The following TNFAIP8 variants were observed in gnomAD, a reference collection of about 807,000 sequenced individuals.
TNFAIP8 encodes TNF alpha induced protein 8, also known as tumor necrosis factor alpha-induced protein 8.
In TNFAIP8, 7 loss-of-function variants were observed where a neutral mutation model predicts 13.3. The observed-to-expected ratio is 0.52, with a 90% CI of 0.30 to 0.99. The LOEUF is 0.99. Ranked by LOEUF, TNFAIP8 falls within the 50% of genes least tolerant of loss-of-function variation. The pLI, the probability that TNFAIP8 is intolerant of heterozygous loss-of-function variation, is 0.07. For missense variants in TNFAIP8, 258 were observed against 236.9 expected (o/e 1.09, Z -0.58); for synonymous variants, 94 against 87.6 (o/e 1.07, Z -0.41).
At position 119,279,132 on chromosome 5, in the gene TNFAIP8, A is replaced by G. The variant is rs78183104; in HGVS notation, c.1+10225A>G. On this transcript the variant is annotated intron_variant, in intron 1 of 1. Coordinates refer to the TNFAIP8 transcript ENST00000274456. Reference sequence around the variant, plus strand: ...TTAATTTCATCTTCAGGAGGAATCTATGAGAAAGATACTATTGTTAAGCCT... The same window carrying G: ...TTAATTTCATCTTCAGGAGGAATCTGTGAGAAAGATACTATTGTTAAGCCT... Among the ~76,000 whole-genome samples the G allele has an allele frequency of 9.5e-3, 1,445 of 152,308 alleles. 18 individuals carry two copies. The highest frequency in any genetic ancestry group is 0.033 in the African/African-American group (1,377 of 41,552).
At chr5:119,388,096 G>A (rs1398424706) in intron 1 of TNFAIP8, among the ~76,000 whole-genome samples, 1 of 152,208 alleles carries the variant, frequency 6.6e-6, no homozygotes, top group Admixed American at 6.5e-5. Context: ...CAGAAGTAGA[G>A]GTGGGCCTGT....
At chr5:119,387,102 C>T (rs1036529137) in intron 1 of TNFAIP8, among the ~76,000 whole-genome samples, 5 of 152,084 alleles carry the variant, frequency 3.3e-5, no homozygotes, top group Non-Finnish European at 7.4e-5. Flanking sequence ...ACATCACTAG[C>T]TACTCCGAGC....
intron 1 of TNFAIP8, among the ~76,000 whole-genome samples, chr5:119,313,595 A>G (rs997221346): frequency 1.3e-5 from 2 of 152,242 alleles, no homozygotes; most frequent in African/African-American, 4.8e-5. Context: ...TTGCCAAAAT[A>G]TGATAGCCTC....
chr5:119,287,994 CT>C (rs1426621649), intron 1 of TNFAIP8, among the ~76,000 whole-genome samples: 2 of 152,142 alleles, frequency 1.3e-5, no homozygotes, highest in Non-Finnish European at 2.9e-5. Context: ...AAGCTCTTGT[CT>C]GATGAGGTGA....
rs1753081252 is a variant in TNFAIP8, at chr5:119,396,729, A to C, written c.*3348A>C. The C allele has an allele frequency of 6.6e-6, 1 of 152,180 alleles. No homozygotes were observed. The highest frequency in any genetic ancestry group is 2.4e-5 in the African/African-American group (1 of 41,452). The allele number at this position is 152,180 out of a possible 1,614,324, so 9.4% of individuals were successfully genotyped here. ...AAGCATGGGGTGGGTGCGGTGGCTT[A>C]TGCTTGTAAGCCCAGAACTTTGGGA... On this transcript the variant is annotated 3_prime_UTR_variant, in exon 2 of 2. Coordinates refer to ENST00000504771, the MANE Select transcript of TNFAIP8 (RefSeq NM_014350.4).
chr5:119,328,321 T>C (rs1350824339), intron 1 of TNFAIP8, among the ~76,000 whole-genome samples: 1 of 151,468 alleles, frequency 6.6e-6, no homozygotes, highest in South Asian at 2.1e-4. Context: ...CCTGGAAAAG[T>C]TTTTGAAACT....
chr5:119,319,687 T>G (rs2112686107), intron 1 of TNFAIP8, among the ~76,000 whole-genome samples: 1 of 152,318 alleles, frequency 6.6e-6, no homozygotes, highest in Admixed American at 6.5e-5. Context: ...ATGGGTTATT[T>G]CTATGTATAT....
intron 1 of TNFAIP8, among the ~76,000 whole-genome samples, chr5:119,390,754 T>C (rs954742943): frequency 6.6e-6 from 1 of 152,222 alleles, no homozygotes. Context: ...GCCTCTACTA[T>C]ATACCACGAA....
At chr5:119,301,829 G>A (rs1178341350) in intron 1 of TNFAIP8, among the ~76,000 whole-genome samples, 1 of 152,188 alleles carries the variant, frequency 6.6e-6, no homozygotes, top group Admixed American at 6.5e-5. Flanking sequence ...TATATTCCAA[G>A]TGCCAACCCA....
chr5:119,328,292 C>T (rs887404715), intron 1 of TNFAIP8, among the ~76,000 whole-genome samples: 3 of 152,122 alleles, frequency 2.0e-5, no homozygotes, highest in African/African-American at 7.2e-5. Flanking sequence ...GGATTACAGG[C>T]ATGAGCCACT....
chr5:119,323,666 G>T (rs893417968), intron 1 of TNFAIP8, among the ~76,000 whole-genome samples: 14 of 152,190 alleles, frequency 9.2e-5, no homozygotes. Flanking sequence ...AGAAGCATGT[G>T]GGCTTCTGTT....
intron 1 of TNFAIP8, chr5:119,306,734 G>A (rs1263399360): frequency 6.6e-6 from 1 of 152,108 alleles, no homozygotes; most frequent in Non-Finnish European, 1.5e-5. Flanking sequence ...GATTATCCAA[G>A]CCATTACCTT....
intron 1 of TNFAIP8, among the ~76,000 whole-genome samples, chr5:119,374,559 A>T (rs1752207563): frequency 6.6e-6 from 1 of 152,186 alleles, no homozygotes; most frequent in Non-Finnish European, 1.5e-5. Flanking sequence ...GAAGAGTCAG[A>T]GTTGGACGCC....
At chr5:119,292,698 A>ACAC (rs1749036341) in intron 1 of TNFAIP8, among the ~76,000 whole-genome samples, 2 of 109,742 alleles carry the variant, frequency 1.8e-5, no homozygotes, top group South Asian at 3.2e-4. Flanking sequence ...ACACACACAC[A>ACAC]ATGAAATACT....
At chr5:119,388,366 A>G (rs1467250505) in intron 1 of TNFAIP8, among the ~76,000 whole-genome samples, 3 of 152,130 alleles carry the variant, frequency 2.0e-5, no homozygotes, top group Non-Finnish European at 2.9e-5. Context: ...TGTATTTACA[A>G]CTCTCGTTTT....
At chr5:119,355,303 A>T (rs3813309), upstream of TNFAIP8, 1 of 701,348 alleles carries the variant, frequency 1.4e-6, no homozygotes, top group East Asian at 2.7e-5. Context: ...AACTGCAGCA[A>T]TGAGTGCCCG....
At chr5:119,390,905 A>G (rs1357355616) in intron 1 of TNFAIP8, among the ~76,000 whole-genome samples, 2 of 151,672 alleles carry the variant, frequency 1.3e-5, no homozygotes, top group Non-Finnish European at 1.5e-5. Context: ...TGCAGCCTCA[A>G]CTTCCCAGGC....
intron 1 of TNFAIP8, among the ~76,000 whole-genome samples, chr5:119,381,580 C>G (rs1752486414): frequency 6.6e-6 from 1 of 151,940 alleles, no homozygotes; most frequent in South Asian, 2.1e-4. Context: ...AGTACAGAGA[C>G]TATATACCAC....
At chr5:119,362,645 T>G (rs1167035992) in intron 1 of TNFAIP8, among the ~76,000 whole-genome samples, 1 of 151,618 alleles carries the variant, frequency 6.6e-6, no homozygotes, top group Admixed American at 6.6e-5. Flanking sequence ...AAAAAAAATT[T>G]AAAAATTAGG....
Sources: allele counts gnomAD v4.1 joint callset (sites outside exome capture counted in the v4.1 genomes callset), GRCh38; gene constraint gnomAD v4.1.1; transcripts MANE v1.5; gene names NCBI Gene and HGNC (gene_info 2026-07-23, HGNC 2026-07-21).